The following RNASET2 variants were observed in gnomAD, a reference collection of about 807,000 sequenced individuals.
RNASET2 encodes the protein ribonuclease T2.
A neutral mutation model predicts 33.9 loss-of-function variants in RNASET2; 28 were observed. The observed-to-expected ratio is 0.83, with a 90% confidence interval of 0.61 to 1.13. RNASET2 has a LOEUF of 1.13. Among genes scored for constraint, RNASET2 ranks in the 50% most tolerant of loss-of-function variants. The probability of loss-of-function intolerance (pLI) is 0.00; values close to 1 mark genes in which losing one functional copy is unlikely to be tolerated. For synonymous variants in RNASET2, 123 were observed against 121.0 expected, an observed-to-expected ratio of 1.02 and a Z score of -0.11; for missense variants, 330 against 319.9, an observed-to-expected ratio of 1.03 and a Z score of -0.24.
Position 166,955,369 on chromosome 6 carries a change from A to G in RNASET2, c.86+728T>C, listed in dbSNP as rs1383945327. 112 of 203,848 alleles carry G rather than the reference A, an allele frequency of 5.5e-4. 3 individuals carry two copies. Among genetic ancestry groups the G allele is most frequent in the Middle Eastern group, 5.5e-3 (2 of 364 alleles). The allele number at this position is 203,848 out of a possible 1,614,324, so 12.6% of individuals were successfully genotyped here. A position where few individuals can be genotyped will look rare whatever the true frequency, so the allele number is the denominator to read the frequency against. On this transcript the variant is annotated intron_variant, in intron 1 of 8. Coordinates refer to ENST00000508775, the MANE Select transcript of RNASET2 (RefSeq NM_003730.6). Reference sequence around the variant, plus strand: ...CACGCACGCACACACACACGCACACACAAACGCACACGCACACACACACAC... The same window carrying G: ...CACGCACGCACACACACACGCACACGCAAACGCACACGCACACACACACAC...
At chr6:166,952,638 T>A in intron 1 of RNASET2, 90 bp from the exon 2 acceptor site, 3 of 979,484 alleles carry the variant, frequency 3.1e-6, no homozygotes, top group Non-Finnish European at 4.9e-6. Flanking sequence ...CAATCATTCA[T>A]TCAGCACTGA....
intron 1 of RNASET2, among the ~76,000 whole-genome samples, chr6:166,955,259 A>G (rs7767322): frequency 1.4e-4 from 14 of 103,510 alleles, no homozygotes; most frequent in East Asian, 3.0e-4. Context: ...GCACACACGC[A>G]CACACACACA....
rs1260565706 is a variant in RNASET2 at position 166,922,910 on chromosome 6, G to C, written c.*6678C>G. Among the ~76,000 whole-genome samples the C allele has an allele frequency of 1.3e-5, 2 of 152,176 alleles. No homozygotes were observed. Among genetic ancestry groups the C allele is most frequent in the African/African-American group, 4.8e-5 (2 of 41,426 alleles). On this transcript the variant is annotated 3_prime_UTR_variant, in exon 9 of 9. Transcript: ENST00000508775. ...TTCAATGTCTTTGCTGGTAAAAATGGGCCACTGTCACTCTGCAGACTTTTC... is the reference window on the plus strand; with the variant it reads ...TTCAATGTCTTTGCTGGTAAAAATGCGCCACTGTCACTCTGCAGACTTTTC...
chr6:166,934,438 C>A, intron 6 of RNASET2: 1 of 368,446 alleles, frequency 2.7e-6, no homozygotes, highest in South Asian at 3.2e-5. Flanking sequence ...CACATCACCA[C>A]CCGTTTGCCA....
intron 3 of RNASET2, among the ~76,000 whole-genome samples, chr6:166,948,191 C>CA (rs1778894263): frequency 6.6e-6 from 1 of 151,868 alleles, no homozygotes; most frequent in Admixed American, 6.6e-5. Context: ...ACTAAAAATA[C>CA]AAAAAATAGC....
intron 7 of RNASET2, chr6:166,931,724 C>G: frequency 6.1e-6 from 1 of 163,642 alleles, no homozygotes. Context: ...CTCAAACCTC[C>G]TAGGAGGACA....
chr6:166,929,699 C>T lies in RNASET2; in HGVS notation c.660G>A (p.Pro220=), dbSNP rs74546166. 1.2e-4 allele frequency: 198 copies of T among 1,614,022 alleles called. 2 individuals are homozygous for T. The East Asian group carries it at 1.9e-3, about 15-fold the overall frequency. ...CCAGCCAGACTTCCTGCTTGGGGGACGGCTGCTCCCCCGGCTCGGTGCAGT... is the reference window on the plus strand; with the variant it reads ...CCAGCCAGACTTCCTGCTTGGGGGATGGCTGCTCCCCCGGCTCGGTGCAGT... The part of the protein sequence containing the change: ...LQNCTEPGEQ[P]SPKQEVWLAN... Residue 220 remains proline, a synonymous_variant, in exon 9 of 9, where the codon CCG becomes CCA. Coordinates refer to ENST00000508775, the MANE Select transcript of RNASET2 (RefSeq NM_003730.6).
At position 166,931,096 on chromosome 6, in the gene RNASET2, A is replaced by G; in HGVS notation, c.515T>C (p.Leu172Pro). The G allele has an allele frequency of 6.2e-7, 1 of 1,610,500 alleles. No individual in the cohort carries two copies. The highest frequency in any genetic ancestry group is 8.5e-7 in the Non-Finnish European group (1 of 1,176,700). ...YYQVADFKDA[L>P]ARVYGVIPKI... ...GGGTATCACTCCATATACTCTGGCA[A>G]GGGCATCTTTAAAATCTGCAACCTG... Residue 172 changes from leucine (L) to proline (P), a missense_variant, in exon 8 of 9, where the codon CTT becomes CCT. Leu to Pro is a moderately conservative substitution (Grantham distance 98). Coordinates refer to ENST00000508775, the MANE Select transcript of RNASET2 (RefSeq NM_003730.6).
intron 1 of RNASET2, 85 bp from the exon 2 acceptor site, chr6:166,952,633 A>G (rs1410937775): frequency 5.3e-5 from 54 of 1,026,116 alleles, no homozygotes; most frequent in Non-Finnish European, 7.3e-5. Flanking sequence ...CCCTTCAATC[A>G]TTCATTCAGC....
chr6:166,933,562 G>T lies in RNASET2; in HGVS notation c.492+529C>A. 1 of 169,274 alleles carries T rather than the reference G, an allele frequency of 5.9e-6. No individual in the cohort carries two copies. Among genetic ancestry groups the T allele is most frequent in the Non-Finnish European group, 1.3e-5 (1 of 79,114 alleles). The allele number at this position is 169,274 out of a possible 1,614,324, so 10.5% of individuals were successfully genotyped here. On this transcript the variant is annotated intron_variant, in intron 7 of 8. Transcript: ENST00000508775. The surrounding 1 kb of genome is among the most constrained non-coding windows in gnomAD (Gnocchi z 4.1). ...CTAGAGGTCTCACTCTGCTGCCCAG[G>T]CTGGTCTCGAAATTCTAGCCACAAG... is the stretch of plus-strand genomic sequence containing the variant.
chr6:166,927,227 C>T lies in RNASET2; in HGVS notation c.*2361G>A, dbSNP rs9457245. ...CAGAGTCTTCCCCTTCTGTCTCCTG[C>T]GGCTCATAAGTGCCTTATACTTACA... On this transcript the variant is annotated 3_prime_UTR_variant, in exon 9 of 9. Coordinates refer to ENST00000508775, the MANE Select transcript of RNASET2 (RefSeq NM_003730.6). Among the ~76,000 whole-genome samples, 13,073 of 152,200 alleles carry T rather than the reference C, an allele frequency of 0.086. 643 individuals carry two copies. The highest frequency in any genetic ancestry group is 0.13 in the African/African-American group (5,388 of 41,506).
In RNASET2 at chr6:166,952,187, GA is replaced by G. The variant is rs532224948; in HGVS notation, c.147+300del. Reference sequence around the variant, plus strand: ...CAGAGAAACAGAACAAACTCTCTCAGAGCCTTCCAGGAGGAACCAACCCTTC... The same window carrying G: ...CAGAGAAACAGAACAAACTCTCTCAGGCCTTCCAGGAGGAACCAACCCTTC... On this transcript the variant is annotated intron_variant, in intron 2 of 8. Transcript: ENST00000508775. Among the ~76,000 whole-genome samples, 75 of 152,316 alleles carry G rather than the reference GA, an allele frequency of 4.9e-4. 1 individual carries two copies. The highest frequency in any genetic ancestry group is 1.6e-3 in the African/African-American group (65 of 41,574).
At chr6:166,935,341 C>T (rs759245693) in intron 6 of RNASET2, among the ~76,000 whole-genome samples, 9 of 151,902 alleles carry the variant, frequency 5.9e-5, no homozygotes, top group South Asian at 2.1e-4. Context: ...TTTCTTTTTG[C>T]TCCTTTTAAT....
At position 166,933,318 on chromosome 6, in the gene RNASET2, T is replaced by C. The variant is rs1047292605; in HGVS notation, c.492+773A>G. The stretch of plus-strand genomic sequence containing the variant: ...CCCCAGGTAACAAAGGAGTACAATT[T>C]TGTTTACAAAAACAGGCAACCAAGA... On this transcript the variant is annotated intron_variant, in intron 7 of 8. Transcript: ENST00000508775. This position sits in a 1 kb window ranked among gnomAD's most constrained non-coding sequence, Gnocchi z 4.1. 1.3e-5 allele frequency: 2 copies of C among 152,174 alleles called. No homozygotes were observed. Among genetic ancestry groups the C allele is most frequent in the Non-Finnish European group, 2.9e-5 (2 of 68,026 alleles). 9.4% of individuals were successfully genotyped at this position (152,174 alleles called of 1,614,324 possible). A position where few individuals can be genotyped will look rare whatever the true frequency, so the allele number is the denominator to read the frequency against.
intron 7 of RNASET2, chr6:166,931,584 C>A: frequency 5.2e-6 from 1 of 192,192 alleles, no homozygotes; most frequent in Non-Finnish European, 1.1e-5. Flanking sequence ...GGCCCTGGGA[C>A]CCCTCAGCTA....
Position 166,933,775 on chromosome 6 carries a change from A to C in RNASET2, c.492+316T>G, listed in dbSNP as rs1778501798. 2.5e-6 allele frequency: 1 copy of C among 403,084 alleles called. No individual in the cohort carries two copies. Among genetic ancestry groups the C allele is most frequent in the Non-Finnish European group, 4.5e-6 (1 of 224,638 alleles). The allele number at this position is 403,084 out of a possible 1,614,324, so 25.0% of individuals were successfully genotyped here. On this transcript the variant is annotated intron_variant, in intron 7 of 8. Coordinates refer to ENST00000508775, the MANE Select transcript of RNASET2 (RefSeq NM_003730.6). The surrounding 1 kb of genome is among the most constrained non-coding windows in gnomAD (Gnocchi z 4.1). ...TGAAAACAAACCACAAACAAATATA[A>C]GACTACGTTATAAAAGTGAATGTGA...
intron 5 of RNASET2, among the ~76,000 whole-genome samples, chr6:166,941,121 A>T (rs1778682036): frequency 6.6e-6 from 1 of 152,220 alleles, no homozygotes. Context: ...AGCACTCAAA[A>T]ATATAAATAT....
Position 166,924,030 on chromosome 6 carries a change from T to C in RNASET2, c.*5558A>G, listed in dbSNP as rs1008579421. 6.6e-6 allele frequency among the ~76,000 whole-genome samples: 1 copy of C among 152,240 alleles called. No homozygotes were observed. The highest frequency in any genetic ancestry group is 1.5e-5 in the Non-Finnish European group (1 of 68,034). On this transcript the variant is annotated 3_prime_UTR_variant, in exon 9 of 9. Transcript: ENST00000508775. Reference sequence around the variant, plus strand: ...AAAAAGTGAAAACAGGCGATCTGCATGTTTCCTCATCTGGGCGTGGTGAGA... The same window carrying C: ...AAAAAGTGAAAACAGGCGATCTGCACGTTTCCTCATCTGGGCGTGGTGAGA...
rs1004983465 is a variant in RNASET2, at chr6:166,925,881, G to A, written c.*3707C>T. Among the ~76,000 whole-genome samples the A allele has an allele frequency of 6.6e-6, 1 of 152,234 alleles. No homozygotes were observed. The highest frequency in any genetic ancestry group is 1.9e-4 in the East Asian group (1 of 5,206). On this transcript the variant is annotated 3_prime_UTR_variant, in exon 9 of 9. Coordinates refer to ENST00000508775, the MANE Select transcript of RNASET2 (RefSeq NM_003730.6). ...AAGCAGAGCCCTCATGGGCTGTGGG[G>A]AGTGGGTGGAGGCACTGCCAACAGG...
Sources: allele counts gnomAD v4.1 joint callset (sites outside exome capture counted in the v4.1 genomes callset), GRCh38; gene constraint gnomAD v4.1.1; non-coding constraint Gnocchi (gnomAD v3.1); transcripts MANE v1.5; gene names NCBI Gene and HGNC (gene_info 2026-07-23, HGNC 2026-07-21).